The following CTNND2 variants were observed in gnomAD, a reference collection of about 807,000 sequenced individuals.
The protein encoded by CTNND2 is catenin delta 2.
CTNND2 carries 22 observed loss-of-function variants against 144.4 expected under a neutral mutation model. The observed-to-expected ratio is 0.15, with a 90% CI of 0.11 to 0.22. CTNND2 has a LOEUF of 0.22. Among genes scored for constraint, CTNND2 ranks in the 10% least tolerant of loss-of-function variants. CTNND2 has a pLI of 1.00. For missense variants in CTNND2, 1,353 were observed against 1,618.8 expected (o/e 0.84, Z 2.82); for synonymous variants, 751 against 695.6 (o/e 1.08, Z -1.25).
intron 6 of CTNND2, among the ~76,000 whole-genome samples, chr5:11,387,902 T>C (rs1759252675): frequency 6.6e-6 from 1 of 152,184 alleles, no homozygotes; most frequent in Non-Finnish European, 1.5e-5. Flanking sequence ...TTAATGCTTT[T>C]TACAAATACT....
chr5:11,671,529 T>A (rs967446283), intron 2 of CTNND2, among the ~76,000 whole-genome samples: 37 of 151,864 alleles, frequency 2.4e-4, no homozygotes, highest in African/African-American at 8.7e-4. Flanking sequence ...ATTGAAATGA[T>A]CTTCAATCTC....
intron 18 of CTNND2, among the ~76,000 whole-genome samples, chr5:11,001,282 C>G (rs1739935045): frequency 1.3e-5 from 2 of 152,174 alleles, no homozygotes; most frequent in Non-Finnish European, 2.9e-5. Flanking sequence ...CATTCAATTA[C>G]TATTGCCAAA....
At chr5:11,185,808 T>C (rs1192858962) in intron 11 of CTNND2, among the ~76,000 whole-genome samples, 2 of 152,226 alleles carry the variant, frequency 1.3e-5, no homozygotes, top group African/African-American at 2.4e-5. Context: ...TATAATTTGG[T>C]GTTCTCCTCC....
At chr5:10,982,144 T>C (rs192691296) in intron 20 of CTNND2, among the ~76,000 whole-genome samples, 1 of 152,344 alleles carries the variant, frequency 6.6e-6, no homozygotes, top group Non-Finnish European at 1.5e-5. Context: ...ATGGCCTTCT[T>C]TTCTGGTGAA....
chr5:11,226,853 TCAAAAACAGAGCC>T (rs1252022457), intron 10 of CTNND2, among the ~76,000 whole-genome samples: 1 of 152,188 alleles, frequency 6.6e-6, no homozygotes, highest in African/African-American at 2.4e-5. Flanking sequence ...ATTATTGAGG[TCAAAAACAGAGCC>T]TGCAACTTTA....
intron 8 of CTNND2, among the ~76,000 whole-genome samples, chr5:11,360,391 A>C (rs1297498997): frequency 6.6e-6 from 1 of 152,064 alleles, no homozygotes; most frequent in Non-Finnish European, 1.5e-5. Context: ...TCTCTTACTC[A>C]TGTTAGCCTT....
rs76860915 is a variant in CTNND2, at chr5:11,684,019, T to C, written c.174+48117A>G. Among the ~76,000 whole-genome samples, 878 of 152,338 alleles carry C rather than the reference T, an allele frequency of 5.8e-3. 11 individuals are homozygous for C. The highest frequency in any genetic ancestry group is 0.02 in the African/African-American group (838 of 41,582). On this transcript the variant is annotated intron_variant, in intron 2 of 21. Coordinates refer to ENST00000304623, the MANE Select transcript of CTNND2 (RefSeq NM_001332.4). ...AATAAAAAGGGTGTAGACCTAATAA[T>C]ATACCATTATGATGTCGATCCACTT... is the stretch of plus-strand genomic sequence containing the variant.
chr5:11,682,133 T>C (rs987470002), intron 2 of CTNND2, among the ~76,000 whole-genome samples: 4 of 152,214 alleles, frequency 2.6e-5, no homozygotes, highest in African/African-American at 7.2e-5. Context: ...ATTTGAATTA[T>C]CTCTGGTTTC....
intron 14 of CTNND2, among the ~76,000 whole-genome samples, chr5:11,099,053 G>A (rs1198358903): frequency 1.3e-5 from 2 of 152,188 alleles, no homozygotes; most frequent in Admixed American, 1.3e-4. Context: ...TAGGAAGGAA[G>A]GGGAAGAGAT....
intron 3 of CTNND2, among the ~76,000 whole-genome samples, chr5:11,427,126 A>G (rs1762845410): frequency 6.6e-6 from 1 of 152,216 alleles, no homozygotes; most frequent in Admixed American, 6.5e-5. Context: ...ATCTGTGCTA[A>G]CAACTTAAAA....
At chr5:11,443,126 T>C (rs1019919783) in intron 3 of CTNND2, among the ~76,000 whole-genome samples, 1 of 151,380 alleles carries the variant, frequency 6.6e-6, no homozygotes, top group Non-Finnish European at 1.5e-5. Context: ...CAGGTCACTT[T>C]TGTTTATTAC....
At chr5:11,229,148 C>T (rs1740696813) in intron 10 of CTNND2, among the ~76,000 whole-genome samples, 1 of 152,052 alleles carries the variant, frequency 6.6e-6, no homozygotes, top group African/African-American at 2.4e-5. Flanking sequence ...ACATTTCTAT[C>T]AAAAAGAAAG....
intron 3 of CTNND2, among the ~76,000 whole-genome samples, chr5:11,452,796 A>G (rs1765410391): frequency 6.6e-6 from 1 of 152,190 alleles, no homozygotes. Flanking sequence ...TTTAAAATTG[A>G]AGAATTTTGA....
chr5:11,735,160 G>T (rs1787609463), intron 1 of CTNND2, among the ~76,000 whole-genome samples: 1 of 152,200 alleles, frequency 6.6e-6, no homozygotes, highest in Non-Finnish European at 1.5e-5. Flanking sequence ...AAGTATTGAA[G>T]GTGATGAATA....
chr5:11,346,725 A>C, intron 8 of CTNND2, 98 bp from the exon 9 acceptor site: 1 of 1,141,008 alleles, frequency 8.8e-7, no homozygotes, highest in Non-Finnish European at 1.2e-6. Context: ...TACACACATA[A>C]AAAATAGGGG....
At chr5:11,828,618 C>T (rs1371450882) in intron 1 of CTNND2, among the ~76,000 whole-genome samples, 1 of 152,222 alleles carries the variant, frequency 6.6e-6, no homozygotes, top group Non-Finnish European at 1.5e-5. Context: ...AGTTGCTCTT[C>T]CTTGCCTTCT....
intron 2 of CTNND2, among the ~76,000 whole-genome samples, chr5:11,693,662 A>C (rs1785008793): frequency 6.6e-6 from 1 of 152,232 alleles, no homozygotes; most frequent in African/African-American, 2.4e-5. Flanking sequence ...TGTCATACAG[A>C]AATGCTCCAT....
At chr5:11,901,274 A>T (rs1390154935) in intron 1 of CTNND2, among the ~76,000 whole-genome samples, 1 of 152,244 alleles carries the variant, frequency 6.6e-6, no homozygotes, top group East Asian at 1.9e-4. Flanking sequence ...GAAAAGAGCA[A>T]GTTCTGTAAC....
intron 1 of CTNND2, among the ~76,000 whole-genome samples, chr5:11,831,600 G>A (rs796932814): frequency 2.0e-5 from 3 of 151,702 alleles, no homozygotes; most frequent in African/African-American, 7.3e-5. Flanking sequence ...CCTGGAGGCG[G>A]AGCTTGCAGT....
Sources: allele counts gnomAD v4.1 joint callset (sites outside exome capture counted in the v4.1 genomes callset), GRCh38; gene constraint gnomAD v4.1.1; transcripts MANE v1.5; gene names NCBI Gene and HGNC (gene_info 2026-07-23, HGNC 2026-07-21).